The following PSORS1C1 variants were observed in gnomAD, a reference collection of about 807,000 sequenced individuals.
The protein encoded by PSORS1C1 is psoriasis susceptibility 1 candidate gene 1 protein.
PSORS1C1 carries 7 observed loss-of-function variants against 9.4 expected under a neutral mutation model. The ratio of observed to expected loss-of-function variants is 0.75; its 90% CI spans 0.42 to 1.40. The LOEUF (loss-of-function observed/expected upper bound fraction) is 1.40. PSORS1C1 is among the 40% of genes most tolerant of loss of function. The pLI, the probability that PSORS1C1 is intolerant of heterozygous loss-of-function variation, is 0.01. For synonymous variants in PSORS1C1, 63 were observed against 69.4 expected, an observed-to-expected ratio of 0.91 and a Z score of 0.46; for missense variants, 146 against 178.1, an observed-to-expected ratio of 0.82 and a Z score of 1.02.
At chr6:31,127,234 A>G (rs1000707506) in intron 2 of PSORS1C1, among the ~76,000 whole-genome samples, 8 of 152,070 alleles carry the variant, frequency 5.3e-5, no homozygotes, top group African/African-American at 1.4e-4. Flanking sequence ...GCGCCTAGGA[A>G]TGGGACTGTG....
At chr6:31,130,582 T>C (rs562299803) in intron 3 of PSORS1C1, among the ~76,000 whole-genome samples, 108 of 152,072 alleles carry the variant, frequency 7.1e-4, no homozygotes, top group African/African-American at 2.5e-3. Flanking sequence ...CGGCTAATTT[T>C]TTTTGTATTT....
At chr6:31,134,753 C>T (rs2150974646) in intron 3 of PSORS1C1, among the ~76,000 whole-genome samples, 1 of 152,326 alleles carries the variant, frequency 6.6e-6, no homozygotes, top group Middle Eastern at 3.4e-3. Context: ...CCATTGGGAT[C>T]TCTGAGCTCC....
chr6:31,116,821 G>C (rs1772157795), intron 1 of PSORS1C1: 1 of 1,614,022 alleles, frequency 6.2e-7, no homozygotes, highest in Non-Finnish European at 8.5e-7. Flanking sequence ...AACCACTCCA[G>C]GGGCACCAGA....
intron 3 of PSORS1C1, among the ~76,000 whole-genome samples, chr6:31,134,936 C>T (rs1294179925): frequency 6.6e-6 from 1 of 152,108 alleles, no homozygotes; most frequent in Non-Finnish European, 1.5e-5. Context: ...CCCACCTCAG[C>T]CTCCTGAGTA....
In PSORS1C1 at chr6:31,115,306, T is replaced by G; in HGVS notation, c.-229+415T>G. The G allele has an allele frequency of 1.0e-5, 2 of 195,566 alleles. No individual in the cohort carries two copies. Among genetic ancestry groups the G allele is most frequent in the Non-Finnish European group, 2.1e-5 (2 of 94,266 alleles). The allele number at this position is 195,566 out of a possible 1,614,324, so 12.1% of individuals were successfully genotyped here. A position where few individuals can be genotyped will look rare whatever the true frequency, so the allele number is the denominator to read the frequency against. On this transcript the variant is annotated intron_variant, in intron 1 of 5. Transcript: ENST00000259881. The surrounding 1 kb of genome is among the most constrained non-coding windows in gnomAD (Gnocchi z 4.2). ...AGTTTACTGAGCCATCTGTCCAGGA[T>G]CCAGGGACAGCAGGGAGCCTGCTTC... is the stretch of plus-strand genomic sequence containing the variant.
chr6:31,133,093 G>A (rs375479240), intron 3 of PSORS1C1, among the ~76,000 whole-genome samples: 1 of 152,254 alleles, frequency 6.6e-6, no homozygotes, highest in Admixed American at 6.5e-5. Flanking sequence ...AAAGGTCCCG[G>A]CAGAGGCATA....
chr6:31,129,861 A>G (rs546627847), intron 3 of PSORS1C1, among the ~76,000 whole-genome samples: 3 of 152,212 alleles, frequency 2.0e-5, no homozygotes, highest in Non-Finnish European at 4.4e-5. Context: ...AGCATGCTGT[A>G]AAGAGCCCCA....
intron 1 of PSORS1C1, among the ~76,000 whole-genome samples, chr6:31,119,301 G>A (rs924221429): frequency 1.3e-5 from 2 of 152,092 alleles, no homozygotes; most frequent in Admixed American, 6.5e-5. Context: ...AACCCCAGCT[G>A]TGCCAATTCC....
chr6:31,133,425 T>C (rs7743435), intron 3 of PSORS1C1: 36,510 of 152,066 alleles, frequency 0.24, 5,353 homozygotes, highest in African/African-American at 0.41. Context: ...GGCTGGTCCC[T>C]AGAGCTGGTG....
Position 31,131,045 on chromosome 6 carries a change from G to A in PSORS1C1, c.13+1400G>A, listed in dbSNP as rs146197355. Among the ~76,000 whole-genome samples the A allele has an allele frequency of 1.6e-4, 24 of 152,078 alleles. No homozygotes were observed. In the East Asian group the frequency reaches 4.7e-3, roughly 29 times the overall value. ...GTCTTGTTATGTTGCCCAGGCCCAGGCACAGTTCTGATAGAGGAGAGAGAC... is the reference window on the plus strand; with the variant it reads ...GTCTTGTTATGTTGCCCAGGCCCAGACACAGTTCTGATAGAGGAGAGAGAC... On this transcript the variant is annotated intron_variant, in intron 3 of 5. Coordinates refer to ENST00000259881, the MANE Select transcript of PSORS1C1 (RefSeq NM_014068.3).
rs9257056 is a variant in PSORS1C1, at chr6:31,127,561, A to AATT, written c.-65+1750_-65+1752dup. On this transcript the variant is annotated intron_variant, in intron 2 of 5. Transcript: ENST00000259881. ...TCTCTCAATGACCCTAGGAGACAGGAATTATTATTATTATTATTATTATTA... is the reference window on the plus strand; with the variant it reads ...TCTCTCAATGACCCTAGGAGACAGGAATTATTATTATTATTATTATTATTATTA... Among the ~76,000 whole-genome samples, 1,044 of 141,582 alleles carry AATT rather than the reference A, an allele frequency of 7.4e-3. 11 individuals are homozygous for AATT. The highest frequency in any genetic ancestry group is 0.012 in the African/African-American group (441 of 38,210). The allele number at this position is 141,582 out of a possible 152,430, so 92.9% of individuals were successfully genotyped here. A position where few individuals can be genotyped will look rare whatever the true frequency, so the allele number is the denominator to read the frequency against.
intron 5 of PSORS1C1, chr6:31,138,993 C>T: frequency 6.2e-7 from 1 of 1,614,116 alleles, no homozygotes; most frequent in Non-Finnish European, 8.5e-7. Context: ...AGGCAAAGGA[C>T]CAGGATCCCC....
In PSORS1C1 at chr6:31,114,988, G is replaced by C. The variant is rs1010714869; in HGVS notation, c.-229+97G>C. On this transcript the variant is annotated intron_variant, in intron 1 of 5. Transcript: ENST00000259881. ...CTGAGGGCCCTAAATAAGGGGAAGG[G>C]GGACCCCACGGTGAATGAGGAATGG... 88 of 427,644 alleles carry C rather than the reference G, an allele frequency of 2.1e-4. No individual in the cohort carries two copies. The Admixed American group carries it at 2.3e-3, about 11-fold the overall frequency. The allele number at this position is 427,644 out of a possible 1,614,324, so 26.5% of individuals were successfully genotyped here. A position where few individuals can be genotyped will look rare whatever the true frequency, so the allele number is the denominator to read the frequency against.
intron 1 of PSORS1C1, among the ~76,000 whole-genome samples, chr6:31,124,170 A>G (rs1295505905): frequency 1.3e-5 from 2 of 152,148 alleles, no homozygotes; most frequent in African/African-American, 4.8e-5. Flanking sequence ...GCAGGGAACC[A>G]AACGGCTTTG....
At position 31,117,150 on chromosome 6, in the gene PSORS1C1, C is replaced by T. The variant is rs772883822; in HGVS notation, c.-229+2259C>T. On this transcript the variant is annotated intron_variant, in intron 1 of 5. Transcript: ENST00000259881. ...TGAACTGAAAGCTGCTGCTGCTGCT[C>T]GAATGAGAGCTGCTGCTTCCCGAGT... 3 of 1,607,316 alleles carry T rather than the reference C, an allele frequency of 1.9e-6. No homozygotes were observed. In the South Asian group the frequency reaches 3.3e-5, roughly 18 times the overall value.
chr6:31,116,233 G>A (rs1474306528), intron 1 of PSORS1C1: 3 of 1,613,942 alleles, frequency 1.9e-6, no homozygotes, highest in Non-Finnish European at 2.5e-6. Flanking sequence ...GGAGGAGACA[G>A]ACATGCAAGG....
intron 1 of PSORS1C1, chr6:31,120,392 C>T: frequency 1.3e-6 from 2 of 1,593,440 alleles, no homozygotes; most frequent in Non-Finnish European, 8.5e-7. Flanking sequence ...CCCACACGCC[C>T]CATCCAGGGT....
At position 31,139,480 on chromosome 6, in the gene PSORS1C1, C is replaced by T. The variant is rs955673720; in HGVS notation, c.168-161C>T. 9 of 649,974 alleles carry T rather than the reference C, an allele frequency of 1.4e-5. No individual in the cohort carries two copies. Among genetic ancestry groups the T allele is most frequent in the African/African-American group, 7.3e-5 (4 of 54,782 alleles). The allele number at this position is 649,974 out of a possible 1,614,324, so 40.3% of individuals were successfully genotyped here. On this transcript the variant is annotated intron_variant, in intron 5 of 5. Coordinates refer to ENST00000259881, the MANE Select transcript of PSORS1C1 (RefSeq NM_014068.3). This position sits in a 1 kb window ranked among gnomAD's most constrained non-coding sequence, Gnocchi z 5.2. The stretch of plus-strand genomic sequence containing the variant: ...GATGCCTGCGCTGAGGGAGGAGGTG[C>T]TTTTCAAACCTGGGATGCAGCTGGG...
At chr6:31,129,769 A>G (rs1036142578) in intron 3 of PSORS1C1, 124 bp downstream of exon 3, 3 of 691,364 alleles carry the variant, frequency 4.3e-6, no homozygotes, top group Non-Finnish European at 8.0e-6. Context: ...GACAAGGCAC[A>G]GTTGCTGTCT....
Sources: allele counts gnomAD v4.1 joint callset (sites outside exome capture counted in the v4.1 genomes callset), GRCh38; gene constraint gnomAD v4.1.1; non-coding constraint Gnocchi (gnomAD v3.1); transcripts MANE v1.5; gene names NCBI Gene and HGNC (gene_info 2026-07-23, HGNC 2026-07-21).